Variants in LAMC3 observed in about 807,000 individuals in gnomAD.
The protein encoded by LAMC3 is laminin subunit gamma 3, also known as laminin subunit gamma-3.
LAMC3 carries 128 observed loss-of-function variants against 173.8 expected under a neutral mutation model. That is an observed-to-expected ratio of 0.74 (90% CI 0.64 to 0.85). The LOEUF is 0.85. Ranked by LOEUF, LAMC3 falls within the 40% of genes least tolerant of loss-of-function variation. LAMC3 has a pLI of 0.00. For missense variants in LAMC3, 2,022 were observed against 2,156.0 expected (o/e 0.94, Z 1.23); for synonymous variants, 897 against 909.1 (o/e 0.99, Z 0.24).
At position 131,009,949 on chromosome 9, in the gene LAMC3, T is replaced by C. The variant is rs1473591525; in HGVS notation, c.373+362T>C. Among the ~76,000 whole-genome samples, 1 of 149,618 alleles carries C rather than the reference T, an allele frequency of 6.7e-6. No homozygotes were observed. Among genetic ancestry groups the C allele is most frequent in the African/African-American group, 2.5e-5 (1 of 40,512 alleles). ...CGGGCGGATCACCTGAGGTCAGGAG[T>C]TCGAGACCAGCCTGGCCAACATGGT... On this transcript the variant is annotated intron_variant, in intron 1 of 27. Transcript: ENST00000361069. This position sits in a 1 kb window ranked among gnomAD's most constrained non-coding sequence, Gnocchi z 4.3.
intron 23 of LAMC3, among the ~76,000 whole-genome samples, chr9:131,079,838 C>T (rs1830205627): frequency 2.0e-5 from 3 of 152,072 alleles, no homozygotes; most frequent in Admixed American, 2.0e-4. Context: ...AGCAGCAGCA[C>T]CCGGGGCCAC....
intron 21 of LAMC3, among the ~76,000 whole-genome samples, chr9:131,076,669 C>G (rs1024720832): frequency 4.6e-5 from 7 of 152,120 alleles, no homozygotes; most frequent in African/African-American, 1.4e-4. Flanking sequence ...GACAGCTGGT[C>G]AGGACAGAAA....
At position 131,029,555 on chromosome 9, in the gene LAMC3, G is replaced by C. The variant is rs982130135; in HGVS notation, c.679-2490G>C. Among the ~76,000 whole-genome samples the C allele has an allele frequency of 2.0e-5, 3 of 152,352 alleles. No individual in the cohort carries two copies. The highest frequency in any genetic ancestry group is 2.0e-4 in the Admixed American group (3 of 15,302). ...CCTGCTGCTTCTGGACAGAAACCAAGAGCAGAGCAGGACAAAGAGAGGCAA... is the reference window on the plus strand; with the variant it reads ...CCTGCTGCTTCTGGACAGAAACCAACAGCAGAGCAGGACAAAGAGAGGCAA... On this transcript the variant is annotated intron_variant, in intron 2 of 27. Transcript: ENST00000361069. This position sits in a 1 kb window ranked among gnomAD's most constrained non-coding sequence, Gnocchi z 4.6.
At chr9:131,038,718 C>A in intron 4 of LAMC3, 146 bp from the exon 5 acceptor site, 1 of 853,544 alleles carries the variant, frequency 1.2e-6, no homozygotes, top group Non-Finnish European at 2.0e-6. Flanking sequence ...CTTGATCAAG[C>A]TGGGCCTGAA....
intron 22 of LAMC3, among the ~76,000 whole-genome samples, chr9:131,077,696 A>C (rs967065394): frequency 2.0e-5 from 3 of 148,440 alleles, no homozygotes; most frequent in Non-Finnish European, 4.5e-5. Context: ...AAAAAAAAAA[A>C]AAAAAAAAAA....
intron 2 of LAMC3, among the ~76,000 whole-genome samples, chr9:131,031,380 G>T (rs542100860): frequency 9.8e-5 from 15 of 152,332 alleles, no homozygotes; most frequent in Non-Finnish European, 8.8e-5. Flanking sequence ...TCGAGTGCCT[G>T]CTAGGGCCAG....
chr9:131,015,132 C>T (rs1391454929), intron 1 of LAMC3, among the ~76,000 whole-genome samples: 5 of 152,140 alleles, frequency 3.3e-5, no homozygotes, highest in Admixed American at 1.3e-4. Context: ...CCAGTGAACC[C>T]GAGGGAGTTC....
At position 131,038,947 on chromosome 9, in the gene LAMC3, C is replaced by T. The variant is rs1833992957; in HGVS notation, c.1060C>T (p.His354Tyr). Residue 354 changes from histidine to tyrosine, a missense_variant, in exon 5 of 28, where the codon CAC (histidine) becomes TAC (tyrosine). Coordinates refer to ENST00000361069, the MANE Select transcript of LAMC3 (RefSeq NM_006059.4). ...RSTGHGGRCH[H>Y]CRDHTAGPHC... ...CACAGGCCACGGCGGGCGCTGTCACCACTGCCGTGACCACACAGCTGGGCC... is the reference window on the plus strand; with the variant it reads ...CACAGGCCACGGCGGGCGCTGTCACTACTGCCGTGACCACACAGCTGGGCC... The T allele has an allele frequency of 6.2e-7, 1 of 1,613,110 alleles. No homozygotes were observed. The highest frequency in any genetic ancestry group is 1.7e-5 in the Admixed American group (1 of 60,004).
chr9:131,084,036 G>A (rs998629229), intron 24 of LAMC3, among the ~76,000 whole-genome samples: 5 of 122,300 alleles, frequency 4.1e-5, no homozygotes, highest in Non-Finnish European at 6.6e-5. Flanking sequence ...CACCACACCC[G>A]GCATTTTTTT....
At position 131,067,109 on chromosome 9, in the gene LAMC3, C is replaced by G; in HGVS notation, c.2497C>G (p.Arg833Gly). 6.2e-7 allele frequency: 1 copy of G among 1,614,164 alleles called. No homozygotes were observed. The highest frequency in any genetic ancestry group is 8.5e-7 in the Non-Finnish European group (1 of 1,180,018). ...NCDPLSGHCL[R>G]CLHNTTGDHC... Reference sequence around the variant, plus strand: ...TGACCCCCTGTCTGGCCACTGCCTGCGCTGCCTGCACAACACCACGGGTGA... The same window carrying G: ...TGACCCCCTGTCTGGCCACTGCCTGGGCTGCCTGCACAACACCACGGGTGA... Residue 833 changes from arginine (R) to glycine (G), a missense_variant, in exon 14 of 28, where the codon CGC becomes GGC. Coordinates refer to ENST00000361069, the MANE Select transcript of LAMC3 (RefSeq NM_006059.4).
intron 18 of LAMC3, 36 bp from the exon 19 acceptor site, chr9:131,072,594 C>A (rs1415463753): frequency 6.4e-7 from 1 of 1,570,442 alleles, no homozygotes; most frequent in Admixed American, 1.8e-5. Flanking sequence ...GACATCTCCA[C>A]CACTTTGTGA....
intron 22 of LAMC3, 29 bp from the exon 23 acceptor site, chr9:131,079,120 C>T: frequency 1.2e-6 from 2 of 1,609,256 alleles, no homozygotes; most frequent in East Asian, 2.2e-5. Context: ...CCTTTCCAGG[C>T]CCTGCCTGAG....
chr9:131,033,876 A>G (rs1246086662), intron 3 of LAMC3, among the ~76,000 whole-genome samples: 1 of 152,000 alleles, frequency 6.6e-6, no homozygotes, highest in Non-Finnish European at 1.5e-5. Context: ...GTGGCATTAG[A>G]GAGATGGAGA....
At chr9:131,069,607 TA>T (rs1323665358) in intron 16 of LAMC3, 64 bp from the exon 17 acceptor site, 1 of 1,533,878 alleles carries the variant, frequency 6.5e-7, no homozygotes, top group African/African-American at 1.4e-5. Flanking sequence ...CTGGCCCCTC[TA>T]AACCCAGCAC....
In LAMC3 at chr9:131,085,611, C is replaced by A. The variant is rs763310139; in HGVS notation, c.4118C>A (p.Thr1373Lys). The A allele has an allele frequency of 2.5e-6, 4 of 1,614,132 alleles. No individual in the cohort carries two copies. The highest frequency in any genetic ancestry group is 1.1e-5 in the South Asian group (1 of 91,090). Reference protein sequence around the residue: ...DSVSDRLLADTRKKTKQAERM... With the variant: ...DSVSDRLLADKRKKTKQAERM... Reference sequence around the variant, plus strand: ...GTCAGTGACAGACTCCTTGCAGACACGAGAAAGAAGACCAAGCAGGCGGAG... The same window carrying A: ...GTCAGTGACAGACTCCTTGCAGACAAGAGAAAGAAGACCAAGCAGGCGGAG... The change falls in exon 25 of 28, where the codon ACG becomes AAG. Residue 1373 changes from threonine to lysine, a missense_variant. Physicochemically the swap from Thr to Lys is moderately conservative, Grantham distance 78. Coordinates refer to ENST00000361069, the MANE Select transcript of LAMC3 (RefSeq NM_006059.4).
rs548574205 is a variant in LAMC3 at position 131,093,352 on chromosome 9, G to A, written c.*1565G>A. On this transcript the variant is annotated 3_prime_UTR_variant, in exon 28 of 28. Transcript: ENST00000361069. ...CTCAGCTGACCTCTGGTTCAGGCTC[G>A]AGACGAACTCACAGCCAAGTGTCCG... 1.3e-5 allele frequency: 2 copies of A among 151,106 alleles called. No homozygotes were observed. The highest frequency in any genetic ancestry group is 4.8e-5 in the African/African-American group (2 of 41,256). 9.4% of individuals were successfully genotyped at this position (151,106 alleles called of 1,614,324 possible).
At chr9:131,064,536 G>A (rs975287305) in intron 13 of LAMC3, among the ~76,000 whole-genome samples, 6 of 151,912 alleles carry the variant, frequency 3.9e-5, no homozygotes, top group African/African-American at 7.2e-5. Flanking sequence ...GGTGGCGGGC[G>A]CCTGTAGTCC....
intron 4 of LAMC3, among the ~76,000 whole-genome samples, chr9:131,036,891 G>C (rs893747382): frequency 1.3e-5 from 2 of 152,226 alleles, no homozygotes; most frequent in Non-Finnish European, 2.9e-5. Context: ...CCTGTCCCCA[G>C]ACAGCCTGGT....
intron 3 of LAMC3, among the ~76,000 whole-genome samples, chr9:131,033,941 G>A (rs2133241947): frequency 6.6e-6 from 1 of 152,258 alleles, no homozygotes; most frequent in South Asian, 2.1e-4. Context: ...TCCAGAGAAG[G>A]CCAAGGCTCG....
Sources: allele counts gnomAD v4.1 joint callset (sites outside exome capture counted in the v4.1 genomes callset), GRCh38; gene constraint gnomAD v4.1.1; non-coding constraint Gnocchi (gnomAD v3.1); transcripts MANE v1.5; gene names NCBI Gene and HGNC (gene_info 2026-07-23, HGNC 2026-07-21).